The following NAPSA variants were observed in gnomAD, a reference collection of about 807,000 sequenced individuals.
NAPSA encodes napsin A aspartic peptidase, also known as napsin-A.
NAPSA carries 37 observed loss-of-function variants against 36.7 expected under a neutral mutation model. The observed-to-expected ratio is 1.01, with a 90% CI of 0.78 to 1.33. The LOEUF is 1.33. Among genes scored for constraint, NAPSA ranks in the 40% most tolerant of loss-of-function variants. The probability of loss-of-function intolerance (pLI) is 0.00; values close to 1 mark genes in which losing one functional copy is unlikely to be tolerated. For missense variants in NAPSA, 532 were observed against 543.8 expected (o/e 0.98, Z 0.21); for synonymous variants, 222 against 234.5 (o/e 0.95, Z 0.49).
intron 1 of NAPSA, among the ~76,000 whole-genome samples, chr19:50,364,269 C>G (rs1292499736): frequency 7.2e-6 from 1 of 138,914 alleles, no homozygotes; most frequent in African/African-American, 2.8e-5. Flanking sequence ...GAGCTGAGAT[C>G]GCGCCATTGC....
At chr19:50,369,249 C>T (rs1057317613), upstream of NAPSA, 1 of 152,202 alleles carries the variant, frequency 6.6e-6, no homozygotes, top group African/African-American at 2.4e-5. Context: ...GGAGGCAGCC[C>T]AGGTGCACTT....
upstream of NAPSA, among the ~76,000 whole-genome samples, chr19:50,366,646 G>T (rs2037552683): frequency 6.9e-6 from 1 of 144,944 alleles, no homozygotes; most frequent in Non-Finnish European, 1.5e-5. Flanking sequence ...GCATTGATGA[G>T]TTATTTATTT....
At chr19:50,363,238 T>C (rs927716717) in intron 1 of NAPSA, among the ~76,000 whole-genome samples, 1 of 151,858 alleles carries the variant, frequency 6.6e-6, no homozygotes, top group African/African-American at 2.4e-5. Context: ...CCTGGAAGTG[T>C]ACACCCCTCC....
At chr19:50,364,711 G>C (rs1033147782) in intron 1 of NAPSA, among the ~76,000 whole-genome samples, 4 of 151,136 alleles carry the variant, frequency 2.6e-5, no homozygotes, top group Non-Finnish European at 5.9e-5. Context: ...AGGGCTCTGG[G>C]ACCGGACGCG....
In NAPSA at chr19:50,361,123, A is replaced by T; in HGVS notation, c.486T>A (p.Gly162=). Reference sequence around the variant, plus strand: ...GAGCCTCCCCGAAAATCACTGATGCACCCTTGATTCCACCAATCTAGGGGT... The same window carrying T: ...GAGCCTCCCCGAAAATCACTGATGCTCCCTTGATTCCACCAATCTAGGGGT... The part of the protein sequence containing the change: ...EDKLTIGGIK[G]ASVIFGEALW... The change falls in exon 5 of 9, where the codon GGT becomes GGA. Residue 162 remains glycine (G), a synonymous_variant. Coordinates refer to ENST00000253719, the MANE Select transcript of NAPSA (RefSeq NM_004851.3). The T allele has an allele frequency of 6.2e-7, 1 of 1,613,764 alleles. No individual in the cohort carries two copies. The highest frequency in any genetic ancestry group is 1.3e-5 in the African/African-American group (1 of 74,976).
Position 50,361,041 on chromosome 19 carries a change from C to A in NAPSA, c.568G>T (p.Gly190Cys). 1 of 1,614,102 alleles carries A rather than the reference C, an allele frequency of 6.2e-7. No homozygotes were observed. Among genetic ancestry groups the A allele is most frequent in the Non-Finnish European group, 8.5e-7 (1 of 1,180,028 alleles). The change falls in exon 5 of 9, where the codon GGT becomes TGT. Residue 190 changes from glycine (G) to cysteine (C), a missense_variant. By Grantham distance (159) the Gly-to-Cys change is radical (BLOSUM62 -3). Coordinates refer to ENST00000253719, the MANE Select transcript of NAPSA (RefSeq NM_004851.3). Reference protein sequence around the residue: ...FAHFDGILGLGFPILSVEGVR... With the variant: ...FAHFDGILGLCFPILSVEGVR... The stretch of plus-strand genomic sequence containing the variant: ...CCTTCCACAGACAGAATGGGAAAAC[C>A]GAGGCCCAATATCCCATCAAAATGG...
chr19:50,366,304 T>C (rs2037549006), upstream of NAPSA, among the ~76,000 whole-genome samples: 1 of 152,138 alleles, frequency 6.6e-6, no homozygotes, highest in Non-Finnish European at 1.5e-5. Flanking sequence ...TTCTCCATGT[T>C]GGTCAGGCTG....
At chr19:50,359,220 G>A in intron 7 of NAPSA, 111 bp from the exon 8 acceptor site, 1 of 1,003,958 alleles carries the variant, frequency 1.0e-6, no homozygotes, top group Non-Finnish European at 1.5e-6. Flanking sequence ...TGGGTACTCA[G>A]CGTCCTGTGT....
intron 8 of NAPSA, 84 bp downstream of exon 8, chr19:50,358,927 T>C (rs1432832375): frequency 3.6e-6 from 5 of 1,390,512 alleles, no homozygotes; most frequent in East Asian, 4.6e-5. Flanking sequence ...CTGTGGCCCC[T>C]TCCCTTCCTA....
chr19:50,365,497 A>G (rs1274517), intron 1 of NAPSA, 42 bp downstream of exon 1: 543,941 of 1,584,976 alleles, frequency 0.34, 97,215 homozygotes, highest in African/African-American at 0.55. Context: ...AAGAGGCAGA[A>G]AATCCCTCCT....
At chr19:50,366,646 GTTATTTAT>G (rs56341915), upstream of NAPSA, among the ~76,000 whole-genome samples, 1,391 of 145,038 alleles carry the variant, frequency 9.6e-3, 11 homozygotes, top group African/African-American at 0.023. Context: ...GCATTGATGA[GTTATTTAT>G]TTATTTATTT....
At chr19:50,365,764 G>T, upstream of NAPSA, 3 of 643,704 alleles carry the variant, frequency 4.7e-6, no homozygotes, top group Non-Finnish European at 2.6e-6. Context: ...GTGGGACAAG[G>T]ATGTTTTTTG....
upstream of NAPSA, among the ~76,000 whole-genome samples, chr19:50,368,346 T>G (rs796451987): frequency 1.1e-4 from 16 of 151,434 alleles, no homozygotes; most frequent in African/African-American, 3.9e-4. Context: ...GTAAAAATTA[T>G]CTGGGCGTAA....
chr19:50,368,453 C>T (rs2037576943), upstream of NAPSA, among the ~76,000 whole-genome samples: 1 of 152,164 alleles, frequency 6.6e-6, no homozygotes, highest in Non-Finnish European at 1.5e-5. Context: ...CATCACGCCA[C>T]TGCACTCCAT....
chr19:50,366,174 T>G (rs1309359361), upstream of NAPSA, among the ~76,000 whole-genome samples: 1 of 152,038 alleles, frequency 6.6e-6, no homozygotes, highest in Non-Finnish European at 1.5e-5. Flanking sequence ...TGTTTGTTTT[T>G]GTTTTTGTTT....
chr19:50,367,549 CCT>C (rs779681679), upstream of NAPSA, among the ~76,000 whole-genome samples: 4,659 of 132,474 alleles, frequency 0.035, 190 homozygotes, highest in African/African-American at 0.1. Context: ...TCTCTCTCTC[CCT>C]CTCTCTCTCT....
chr19:50,359,109 A>C lies in NAPSA; in HGVS notation c.937T>G (p.Tyr313Asp). Residue 313 changes from tyrosine to aspartate, a missense_variant and splice_region_variant, in exon 8 of 9, where the codon TAC becomes GAC. This residue lies in a region of NAPSA where 385 missense variants were observed against 371.5 expected (regional missense o/e 1.04). Coordinates refer to ENST00000253719, the MANE Select transcript of NAPSA (RefSeq NM_004851.3). ...IGGIPLLAGE[Y>D]IILCSEIPKL... ...GGGATTTCCGAGCACAGGATGATGT[A>C]CTGGGGGAGAAGAGGAACTAGTGAA... The C allele has an allele frequency of 6.2e-7, 1 of 1,610,942 alleles. No individual in the cohort carries two copies. The highest frequency in any genetic ancestry group is 8.5e-7 in the Non-Finnish European group (1 of 1,177,312).
chr19:50,365,888 A>C, upstream of NAPSA: 1 of 325,760 alleles, frequency 3.1e-6, no homozygotes, highest in South Asian at 7.6e-5. Flanking sequence ...CACCGTCACC[A>C]CCTCCCACCC....
chr19:50,369,016 T>TA (rs753812344), upstream of NAPSA: 1 of 151,482 alleles, frequency 6.6e-6, no homozygotes, highest in Non-Finnish European at 1.5e-5. Context: ...CCCCATGTCT[T>TA]GTCTCTCAGG....
Sources: allele counts gnomAD v4.1 joint callset (sites outside exome capture counted in the v4.1 genomes callset), GRCh38; gene constraint gnomAD v4.1.1; regional missense constraint gnomAD v4.1.1; transcripts MANE v1.5; gene names NCBI Gene and HGNC (gene_info 2026-07-23, HGNC 2026-07-21).